CSMD3: variants seen among roughly 807,000 people sequenced by gnomAD.
CSMD3 encodes CUB and sushi domain-containing protein 3.
Under a neutral mutation model 435.2 loss-of-function variants are expected in CSMD3, and 177 were observed. That is an observed-to-expected ratio of 0.41 (90% CI 0.36 to 0.46). The LOEUF (loss-of-function observed/expected upper bound fraction) is 0.46, where lower values mean the gene tolerates loss of function less well. Ranked by LOEUF, CSMD3 falls within the 20% of genes least tolerant of loss-of-function variation. The pLI, the probability that CSMD3 is intolerant of heterozygous loss-of-function variation, is 0.34. For missense variants in CSMD3, 4,265 were observed against 4,504.6 expected, an observed-to-expected ratio of 0.95 and a Z score of 1.52; for synonymous variants, 1,656 against 1,520.5, an observed-to-expected ratio of 1.09 and a Z score of -2.07.
At chr8:113,239,421 C>T (rs1237492061) in intron 3 of CSMD3, among the ~76,000 whole-genome samples, 1 of 152,040 alleles carries the variant, frequency 6.6e-6, no homozygotes, top group Non-Finnish European at 1.5e-5. Context: ...ACGTATGCCA[C>T]TGTGATTTAG....
intron 32 of CSMD3, among the ~76,000 whole-genome samples, chr8:112,449,316 G>A (rs1815994177): frequency 6.6e-6 from 1 of 152,130 alleles, no homozygotes; most frequent in South Asian, 2.1e-4. Flanking sequence ...AAAACTAGAA[G>A]CAACCCTCGC....
At chr8:112,579,202 C>T (rs1004021640) in intron 23 of CSMD3, among the ~76,000 whole-genome samples, 2 of 151,946 alleles carry the variant, frequency 1.3e-5, no homozygotes, top group African/African-American at 4.8e-5. Flanking sequence ...TAATAGTTTT[C>T]AAATACTGAA....
intron 60 of CSMD3, among the ~76,000 whole-genome samples, chr8:112,264,584 C>T (rs576265748): frequency 1.3e-5 from 2 of 152,036 alleles, no homozygotes; most frequent in Non-Finnish European, 2.9e-5. Flanking sequence ...ACATCTAAAA[C>T]ATAAAATGTC....
chr8:113,195,485 G>C (rs2092640769), intron 3 of CSMD3, among the ~76,000 whole-genome samples: 1 of 150,752 alleles, frequency 6.6e-6, no homozygotes, highest in African/African-American at 2.4e-5. Context: ...TACAAGTCCA[G>C]TTAAACATGA....
chr8:112,972,077 T>C (rs1397155704), intron 7 of CSMD3, among the ~76,000 whole-genome samples: 1 of 152,004 alleles, frequency 6.6e-6, no homozygotes, highest in African/African-American at 2.4e-5. Context: ...CATAGATTAG[T>C]CTGTACACAT....
chr8:113,034,947 C>G (rs1035031379), intron 5 of CSMD3, among the ~76,000 whole-genome samples: 4 of 151,954 alleles, frequency 2.6e-5, no homozygotes, highest in African/African-American at 9.7e-5. Context: ...AAGGAATAGA[C>G]AAGTCTACAA....
At chr8:112,885,646 C>T (rs571937465) in intron 10 of CSMD3, among the ~76,000 whole-genome samples, 6 of 151,816 alleles carry the variant, frequency 4.0e-5, no homozygotes, top group Admixed American at 3.9e-4. Flanking sequence ...TGTATAACCA[C>T]AATTAATGAC....
At chr8:112,690,187 T>C (rs951388533) in intron 13 of CSMD3, 137 bp from the exon 14 acceptor site, 3 of 675,518 alleles carry the variant, frequency 4.4e-6, no homozygotes, top group East Asian at 5.3e-5. Flanking sequence ...CAATCTTTTT[T>C]TTTTTGGCCA....
At chr8:112,277,234 C>T (rs939455245) in intron 59 of CSMD3, among the ~76,000 whole-genome samples, 8 of 152,140 alleles carry the variant, frequency 5.3e-5, no homozygotes, top group Non-Finnish European at 1.0e-4. Context: ...ACCTGAATCA[C>T]CTCCTGAATG....
chr8:112,474,620 A>ATT (rs1818860195), intron 31 of CSMD3, among the ~76,000 whole-genome samples: 2 of 152,188 alleles, frequency 1.3e-5, no homozygotes, highest in African/African-American at 4.8e-5. Flanking sequence ...TATACTGGGA[A>ATT]TTTATTGAAG....
At chr8:113,370,615 C>T (rs1008980591) in intron 1 of CSMD3, among the ~76,000 whole-genome samples, 1 of 151,896 alleles carries the variant, frequency 6.6e-6, no homozygotes, top group Non-Finnish European at 1.5e-5. Flanking sequence ...GTTATTGGTT[C>T]ATTATATGCA....
chr8:113,111,527 C>T (rs1447287111), intron 4 of CSMD3, among the ~76,000 whole-genome samples: 1 of 152,064 alleles, frequency 6.6e-6, no homozygotes, highest in East Asian at 1.9e-4. Flanking sequence ...CAATCTTATT[C>T]ACATTTCCCC....
rs1832039803 is a variant in CSMD3, at chr8:112,408,306, A to T, written c.5605+12T>A. On this transcript the variant is annotated intron_variant, in intron 34 of 70. Transcript: ENST00000297405. ...ATTCCTTAGTGTGTTTCTAGACTAC[A>T]GGGTCACTTACCTTGGTAAACAAAG... is the stretch of plus-strand genomic sequence containing the variant. The T allele has an allele frequency of 6.7e-7, 1 of 1,497,974 alleles. No homozygotes were observed. The highest frequency in any genetic ancestry group is 1.4e-5 in the African/African-American group (1 of 72,536). 92.8% of individuals were successfully genotyped at this position (1,497,974 alleles called of 1,614,324 possible). A position where few individuals can be genotyped will look rare whatever the true frequency, so the allele number is the denominator to read the frequency against.
chr8:112,679,139 G>A (rs2075832194), intron 16 of CSMD3, among the ~76,000 whole-genome samples: 1 of 149,784 alleles, frequency 6.7e-6, no homozygotes, highest in Admixed American at 6.7e-5. Context: ...TGAGGCATCA[G>A]TTAGTCTCAG....
At chr8:112,434,858 T>A (rs1171102270) in intron 32 of CSMD3, among the ~76,000 whole-genome samples, 1 of 152,152 alleles carries the variant, frequency 6.6e-6, no homozygotes, top group African/African-American at 2.4e-5. Flanking sequence ...ATGAACTCAA[T>A]GAAAAAGCTC....
intron 9 of CSMD3, among the ~76,000 whole-genome samples, chr8:112,945,091 G>C (rs1207281730): frequency 2.6e-5 from 4 of 151,470 alleles, no homozygotes; most frequent in African/African-American, 9.7e-5. Flanking sequence ...GAAATCTCTG[G>C]ATGTTCACAC....
intron 7 of CSMD3, among the ~76,000 whole-genome samples, chr8:112,957,678 T>C (rs2084076550): frequency 6.6e-6 from 1 of 152,082 alleles, no homozygotes; most frequent in Admixed American, 6.5e-5. Context: ...CTCAAACTCC[T>C]GTCAGGTGAA....
intron 25 of CSMD3, among the ~76,000 whole-genome samples, chr8:112,554,516 A>G: frequency 6.6e-6 from 1 of 151,864 alleles, no homozygotes; most frequent in Non-Finnish European, 1.5e-5. Context: ...ATTACATTTA[A>G]TTTGAGAACA....
chr8:113,084,909 T>C (rs997356055), intron 5 of CSMD3, among the ~76,000 whole-genome samples: 1 of 152,028 alleles, frequency 6.6e-6, no homozygotes, highest in Non-Finnish European at 1.5e-5. Flanking sequence ...TGGATATTCA[T>C]ATGCAGAAGA....
Sources: gnomAD v4.1 joint callset for allele counts (sites outside exome capture counted in the v4.1 genomes callset) on GRCh38, gnomAD v4.1.1 for gene constraint, MANE v1.5 for transcripts, NCBI Gene and HGNC (gene_info 2026-07-23, HGNC 2026-07-21) for gene names.